SIN3A: variants seen among roughly 807,000 people sequenced by gnomAD.
The protein encoded by SIN3A is SIN3 transcription regulator family member A.
A neutral mutation model predicts 146.1 loss-of-function variants in SIN3A; 14 were observed. The ratio of observed to expected loss-of-function variants is 0.10; its 90% CI spans 0.06 to 0.15. The LOEUF is 0.15. Ranked by LOEUF, SIN3A falls within the 10% of genes least tolerant of loss-of-function variation. The probability of loss-of-function intolerance (pLI) is 1.00; values close to 1 mark genes in which losing one functional copy is unlikely to be tolerated. For missense variants in SIN3A, 1,028 were observed against 1,576.0 expected, an observed-to-expected ratio of 0.65 and a Z score of 5.89; for synonymous variants, 572 against 572.0, an observed-to-expected ratio of 1.00 and a Z score of 0.00.
chr15:75,376,477 C>T (rs1243588825), intron 19 of SIN3A: 2 of 153,868 alleles, frequency 1.3e-5, no homozygotes, highest in African/African-American at 4.8e-5. Flanking sequence ...GAATGGATGC[C>T]CTGAGGGGTG....
At chr15:75,448,447 T>C (rs1372758026) in intron 1 of SIN3A, among the ~76,000 whole-genome samples, 1 of 151,014 alleles carries the variant, frequency 6.6e-6, no homozygotes, top group Non-Finnish European at 1.5e-5. Flanking sequence ...TGAGCTGAGA[T>C]TGCACCACTG....
Position 75,372,228 on chromosome 15 carries a change from A to T in SIN3A, c.3592-19T>A, listed in dbSNP as rs570088020. ...CATGGGACTGCAAAACAGAAAAAAA[A>T]AATTTTATTAAATGAAGCAGAACCA... On this transcript the variant is annotated intron_variant, in intron 20 of 20. Transcript: ENST00000394947. The T allele has an allele frequency of 6.5e-5, 99 of 1,516,358 alleles. 1 individual carries two copies. The highest frequency in any genetic ancestry group is 2.0e-4 in the South Asian group (16 of 79,054). 93.9% of individuals were successfully genotyped at this position (1,516,358 alleles called of 1,614,324 possible).
chr15:75,404,695 G>A (rs1391033318), intron 9 of SIN3A, among the ~76,000 whole-genome samples: 4 of 151,794 alleles, frequency 2.6e-5, no homozygotes, highest in Admixed American at 1.3e-4. Context: ...GGGAGGTGGA[G>A]GTTACAGTGA....
chr15:75,382,931 ACC>A (rs1491089755), intron 17 of SIN3A, among the ~76,000 whole-genome samples: 1 of 151,702 alleles, frequency 6.6e-6, no homozygotes, highest in African/African-American at 2.4e-5. Flanking sequence ...AAACACACAC[ACC>A]CACACAAGCT....
chr15:75,432,685 CAAAAAA>C (rs71440236), intron 1 of SIN3A, among the ~76,000 whole-genome samples: 1 of 84,892 alleles, frequency 1.2e-5, no homozygotes, highest in African/African-American at 4.6e-5. Flanking sequence ...GACTCTGTCT[CAAAAAA>C]AAAAAAAAAA....
At position 75,369,652 on chromosome 15, in the gene SIN3A, T is replaced by G; in HGVS notation, c.*2327A>C. Reference sequence around the variant, plus strand: ...TTGGGACTTTCTCCTGAACTGGCCTTGAAATCCTATCCTGACCTGCAGGCA... The same window carrying G: ...TTGGGACTTTCTCCTGAACTGGCCTGGAAATCCTATCCTGACCTGCAGGCA... On this transcript the variant is annotated 3_prime_UTR_variant, in exon 21 of 21. Coordinates refer to ENST00000394947, the MANE Select transcript of SIN3A (RefSeq NM_001145358.2). The G allele has an allele frequency of 6.6e-6, 1 of 152,216 alleles. No homozygotes were observed. Among genetic ancestry groups the G allele is most frequent in the East Asian group, 1.9e-4 (1 of 5,202 alleles). 9.4% of individuals were successfully genotyped at this position (152,216 alleles called of 1,614,324 possible).
intron 16 of SIN3A, among the ~76,000 whole-genome samples, chr15:75,386,456 A>AC (rs1279492846): frequency 6.6e-6 from 1 of 152,080 alleles, no homozygotes; most frequent in Non-Finnish European, 1.5e-5. Context: ...CGGAACTCCC[A>AC]CCCCCACTGC....
chr15:75,386,919 C>T (rs1160903118), intron 16 of SIN3A, among the ~76,000 whole-genome samples: 1 of 152,198 alleles, frequency 6.6e-6, no homozygotes, highest in Non-Finnish European at 1.5e-5. Flanking sequence ...GATCCTCCCA[C>T]CTTAGCCTCC....
chr15:75,384,680 A>G (rs1172654701), intron 16 of SIN3A, among the ~76,000 whole-genome samples: 1 of 152,206 alleles, frequency 6.6e-6, no homozygotes, highest in Non-Finnish European at 1.5e-5. Flanking sequence ...CTATCTATTT[A>G]AAATAAGAAC....
At chr15:75,430,668 T>C (rs2073999003) in intron 1 of SIN3A, among the ~76,000 whole-genome samples, 1 of 152,228 alleles carries the variant, frequency 6.6e-6, no homozygotes, top group African/African-American at 2.4e-5. Flanking sequence ...ACGCTCCAAT[T>C]TAAAAATATA....
chr15:75,440,567 C>A, intron 1 of SIN3A, among the ~76,000 whole-genome samples: 1 of 152,022 alleles, frequency 6.6e-6, no homozygotes, highest in East Asian at 1.9e-4. Flanking sequence ...TCCGTACTTT[C>A]CTGGACACTG....
At chr15:75,400,562 A>G (rs939476298) in intron 11 of SIN3A, among the ~76,000 whole-genome samples, 168 bp downstream of exon 11, 2 of 152,172 alleles carry the variant, frequency 1.3e-5, no homozygotes, top group African/African-American at 4.8e-5. Context: ...GACAAAACGA[A>G]ACCCTGTCTC....
chr15:75,389,084 G>T (rs2073147051), intron 16 of SIN3A, among the ~76,000 whole-genome samples: 1 of 152,112 alleles, frequency 6.6e-6, no homozygotes, highest in South Asian at 2.1e-4. Context: ...GAGTGAGGTG[G>T]GCAGAGTATT....
At chr15:75,389,558 T>C (rs1249025145) in intron 16 of SIN3A, 94 bp downstream of exon 16, 1 of 1,189,264 alleles carries the variant, frequency 8.4e-7, no homozygotes, top group Non-Finnish European at 1.2e-6. Flanking sequence ...TAAACACTGT[T>C]ATATGAAAAA....
In SIN3A at chr15:75,410,326, G is replaced by A. The variant is rs1425126944; in HGVS notation, c.1009-40C>T. 1.9e-6 allele frequency: 3 copies of A among 1,594,184 alleles called. No homozygotes were observed. In the Admixed American group the frequency reaches 5.3e-5, roughly 28 times the overall value. ...ATGAAAAGAGATCATTTGGGCTACTGTTTTGAGTCACTCATCTTTGCACGC... is the reference window on the plus strand; with the variant it reads ...ATGAAAAGAGATCATTTGGGCTACTATTTTGAGTCACTCATCTTTGCACGC... On this transcript the variant is annotated intron_variant, in intron 6 of 20. Transcript: ENST00000394947.
chr15:75,407,680 C>T (rs1236785995), intron 8 of SIN3A, among the ~76,000 whole-genome samples: 1 of 151,880 alleles, frequency 6.6e-6, no homozygotes, highest in Non-Finnish European at 1.5e-5. Flanking sequence ...ATCATGAGGT[C>T]AAGAGATTGA....
At chr15:75,407,892 CAAAAAAAAAA>C (rs775913884) in intron 8 of SIN3A, among the ~76,000 whole-genome samples, 2 of 24,640 alleles carry the variant, frequency 8.1e-5, no homozygotes, top group South Asian at 3.8e-3. Context: ...GACTCCATCT[CAAAAAAAAAA>C]AAAAAAAAAA....
At chr15:75,396,211 C>A in intron 13 of SIN3A, 47 bp downstream of exon 13, 1 of 1,297,326 alleles carries the variant, frequency 7.7e-7, no homozygotes, top group Non-Finnish European at 1.1e-6. Flanking sequence ...GACACTGAAC[C>A]GGTAGTGAAG....
Position 75,396,381 on chromosome 15 carries a change from A to T in SIN3A, c.1970T>A (p.Leu657His). The T allele has an allele frequency of 6.2e-7, 1 of 1,614,132 alleles. No individual in the cohort carries two copies. Among genetic ancestry groups the T allele is most frequent in the Non-Finnish European group, 8.5e-7 (1 of 1,180,016 alleles). Residue 657 changes from leucine (L) to histidine (H), a missense_variant, in exon 13 of 21, where the codon CTT becomes CAT. Physicochemically the swap from Leu to His is moderately conservative, Grantham distance 99. Transcript: ENST00000394947. ...EQAKFRLDNTLGGTSEVIHRK... is the reference protein window; with the variant it reads ...EQAKFRLDNTHGGTSEVIHRK... ...ATGGATGACTTCTGATGTGCCCCCA[A>T]GGGTGTTGTCCAAGCGAAATTTGGC...
Sources: gnomAD v4.1 joint callset for allele counts (sites outside exome capture counted in the v4.1 genomes callset) on GRCh38, gnomAD v4.1.1 for gene constraint, MANE v1.5 for transcripts, NCBI Gene and HGNC (gene_info 2026-07-23, HGNC 2026-07-21) for gene names.